Variants in SPTBN5 observed in about 807,000 individuals in gnomAD.
SPTBN5 encodes spectrin beta, non-erythrocytic 5, also known as spectrin beta chain, non-erythrocytic 5.
Under a neutral mutation model 477.6 loss-of-function variants are expected in SPTBN5, and 513 were observed. That is an observed-to-expected ratio of 1.07 (90% CI 1.00 to 1.16). The LOEUF is 1.16. Among genes scored for constraint, SPTBN5 ranks in the 50% most tolerant of loss-of-function variants. SPTBN5 has a pLI of 0.00. For missense variants in SPTBN5, 5,062 were observed against 4,731.8 expected, an observed-to-expected ratio of 1.07 and a Z score of -2.05; for synonymous variants, 2,169 against 2,011.7, an observed-to-expected ratio of 1.08 and a Z score of -2.09.
At chr15:41,850,027 T>A in intron 66 of SPTBN5, 68 bp from the exon 67 acceptor site, 1 of 1,312,434 alleles carries the variant, frequency 7.6e-7, no homozygotes, top group Non-Finnish European at 1.1e-6. Flanking sequence ...GTCTGGCTGC[T>A]CCTTCCTCCA....
intron 7 of SPTBN5, among the ~76,000 whole-genome samples, chr15:41,884,777 C>T (rs2067093047): frequency 6.6e-6 from 1 of 152,184 alleles, no homozygotes; most frequent in South Asian, 2.1e-4. Flanking sequence ...GCCCCCCTGA[C>T]CTCAGCTCCT....
In SPTBN5 at chr15:41,855,243, T is replaced by C; in HGVS notation, c.9404A>G (p.Gln3135Arg). ...ACTCACCTTGACACCCTCCAGGTCCTGCCCGTAGTCCTGGGACTCGGCGGT... is the reference window on the plus strand; with the variant it reads ...ACTCACCTTGACACCCTCCAGGTCCCGCCCGTAGTCCTGGGACTCGGCGGT... ...AATAESQDYG[Q>R]DLEGVKVLEE... Residue 3135 changes from glutamine to arginine, a missense_variant, in exon 55 of 68, where the codon CAG (glutamine) becomes CGG (arginine). By Grantham distance (43) the Gln-to-Arg change is conservative. Transcript: ENST00000320955. 1.9e-6 allele frequency: 3 copies of C among 1,612,186 alleles called. No homozygotes were observed. The highest frequency in any genetic ancestry group is 2.5e-6 in the Non-Finnish European group (3 of 1,179,406).
At position 41,890,140 on chromosome 15, in the gene SPTBN5, G is replaced by A. The variant is rs982082812; in HGVS notation, c.450C>T (p.Leu150=). 5.0e-6 allele frequency: 8 copies of A among 1,613,228 alleles called. No individual in the cohort carries two copies. The African/African-American group carries it at 9.3e-5, about 19-fold the overall frequency. ...GGAAACGCAGAATGATGACCCAGAT[G>A]AGTCCCAGGATGAGTGTCTGGTCTC... ...VDGDQTLILG[L]IWVIILRFQI... The change falls in exon 4 of 68, where the codon CTC becomes CTT. Residue 150 remains leucine, a synonymous_variant. Transcript: ENST00000320955.
At chr15:41,882,232 GCCCCGCCCCCA>G in intron 11 of SPTBN5, 26 bp downstream of exon 11, 9 of 1,254,138 alleles carry the variant, frequency 7.2e-6, no homozygotes, top group Non-Finnish European at 9.5e-6. Flanking sequence ...GCCTCGCCGG[GCCCCGCCCCCA>G]CCCCGCCTCC....
rs1241075977 is a variant in SPTBN5 at position 41,851,829 on chromosome 15, T to C, written c.10606A>G (p.Met3536Val). 8 of 1,610,592 alleles carry C rather than the reference T, an allele frequency of 5.0e-6. No individual in the cohort carries two copies. The highest frequency in any genetic ancestry group is 1.3e-5 in the African/African-American group (1 of 74,906). The change falls in exon 63 of 68, where the codon ATG (methionine) becomes GTG (valine). Residue 3536 changes from methionine to valine, a missense_variant. Met to Val is a conservative substitution (Grantham distance 21). Transcript: ENST00000320955. ...DPQDAKGTPT[M>V]EGSLEFKQHL... ...TGCTTGAACTCCAAAGACCCCTCCA[T>C]GGTGGGGGTACCCTTTGCATCCTGA...
chr15:41,863,881 C>CTT (rs769131740), intron 40 of SPTBN5, 28 bp downstream of exon 40: 1 of 1,613,344 alleles, frequency 6.2e-7, no homozygotes, highest in East Asian at 2.2e-5. Flanking sequence ...CTTCCCGGCC[C>CTT]TTTGGTTCTC....
At chr15:41,883,546 G>A (rs1037690011) in intron 7 of SPTBN5, 60 bp from the exon 8 acceptor site, 2 of 1,578,692 alleles carry the variant, frequency 1.3e-6, no homozygotes, top group Non-Finnish European at 1.7e-6. Context: ...GCTACTTCAG[G>A]GTTCCTGGTC....
In SPTBN5 at chr15:41,887,162, C is replaced by T. The variant is rs1595513539; in HGVS notation, c.888+51G>A. The T allele has an allele frequency of 6.6e-6, 10 of 1,510,368 alleles. No individual in the cohort carries two copies. In the East Asian group the frequency reaches 2.2e-4, roughly 33 times the overall value. The allele number at this position is 1,510,368 out of a possible 1,614,324, so 93.6% of individuals were successfully genotyped here. A position where few individuals can be genotyped will look rare whatever the true frequency, so the allele number is the denominator to read the frequency against. ...TGGCAGGGCAGGCTTCACGCTTAGG[C>T]CTGTCTGCCTCTGGAGCCCTTGCTC... On this transcript the variant is annotated intron_variant, in intron 6 of 67. Coordinates refer to ENST00000320955, the MANE Select transcript of SPTBN5 (RefSeq NM_016642.4).
At chr15:41,848,826 T>C (rs1481758232) in intron 67 of SPTBN5, among the ~76,000 whole-genome samples, 198 bp from the exon 68 acceptor site, 1 of 152,116 alleles carries the variant, frequency 6.6e-6, no homozygotes, top group East Asian at 1.9e-4. Flanking sequence ...TTGCCTCGAC[T>C]TTCATAACCC....
At chr15:41,851,182 G>GGCCATCTCA (rs777914704) in intron 64 of SPTBN5, 32 bp from the exon 65 acceptor site, 25 of 1,600,834 alleles carry the variant, frequency 1.6e-5, no homozygotes, top group Non-Finnish European at 2.0e-5. Flanking sequence ...GGGTCACTGC[G>GGCCATCTCA]GCCATCTCAG....
chr15:41,873,162 G>A (rs1284000290), intron 26 of SPTBN5, among the ~76,000 whole-genome samples: 1 of 152,196 alleles, frequency 6.6e-6, no homozygotes, highest in Non-Finnish European at 1.5e-5. Flanking sequence ...GGGAGATGTG[G>A]AGCGGGCTGG....
intron 13 of SPTBN5, 75 bp downstream of exon 13, chr15:41,880,959 G>C: frequency 7.6e-7 from 1 of 1,323,916 alleles, no homozygotes; most frequent in Non-Finnish European, 1.0e-6. Context: ...TCACTGCCTT[G>C]TCCCCTGGGA....
At chr15:41,883,274 C>A (rs760670181) in intron 8 of SPTBN5, 46 bp from the exon 9 acceptor site, 11 of 1,603,770 alleles carry the variant, frequency 6.9e-6, no homozygotes, top group Non-Finnish European at 9.4e-6. Flanking sequence ...GGTGCTGGGT[C>A]CCTCTGAGCA....
At chr15:41,853,816 A>G (rs1296820474) in intron 57 of SPTBN5, 29 bp from the exon 58 acceptor site, 2 of 1,528,616 alleles carry the variant, frequency 1.3e-6, no homozygotes, top group Admixed American at 2.0e-5. Context: ...ATCAGGCCTC[A>G]GTCCCCCCAC....
In SPTBN5 at chr15:41,853,423, C is replaced by T; in HGVS notation, c.10005G>A (p.Glu3335=). 1 of 1,588,560 alleles carries T rather than the reference C, an allele frequency of 6.3e-7. No homozygotes were observed. Among genetic ancestry groups the T allele is most frequent in the Non-Finnish European group, 8.6e-7 (1 of 1,163,600 alleles). The change falls in exon 59 of 68, where the codon GAG becomes GAA. Residue 3335 remains glutamate, a synonymous_variant. Transcript: ENST00000320955. ...ELLAWAQERQ[E]LASSEELAED... is the part of the protein sequence containing the mutation. ...CAGCCAGCTCCTCGGAGGACGCCAG[C>T]TCCTGCCTCTCCTGTGCCCATGCTC... is the stretch of plus-strand genomic sequence containing the variant.
Position 41,871,917 on chromosome 15 carries a change from C to G in SPTBN5, c.5166G>C (p.Arg1722=). 6.4e-7 allele frequency: 1 copy of G among 1,568,220 alleles called. No individual in the cohort carries two copies. The highest frequency in any genetic ancestry group is 8.7e-7 in the Non-Finnish European group (1 of 1,154,108). ...TCAGGGTCCCCTCCAGTTCCCGGTC[C>G]CTGTGGTAACAGTCCGTGGTTCCCC... ...LRALQELAAT[R]DRELEGTLRL... The change falls in exon 28 of 68, where the codon CGG becomes CGC. Residue 1722 remains arginine (R), a splice_region_variant and synonymous_variant. Coordinates refer to ENST00000320955, the MANE Select transcript of SPTBN5 (RefSeq NM_016642.4).
In SPTBN5 at chr15:41,879,219, G is replaced by T. The variant is rs1429208872; in HGVS notation, c.3182+41C>A. The T allele has an allele frequency of 1.9e-6, 3 of 1,578,126 alleles. No homozygotes were observed. The Admixed American group carries it at 5.1e-5, about 27-fold the overall frequency. ...ACTGCCCTGCCCACGCCTTCCCATG[G>T]TCCTCACTGCCTCCCAATGCCACCA... On this transcript the variant is annotated intron_variant, in intron 16 of 67. Coordinates refer to ENST00000320955, the MANE Select transcript of SPTBN5 (RefSeq NM_016642.4).
At chr15:41,853,047 A>AC (rs2065825008) in intron 59 of SPTBN5, 47 bp from the exon 60 acceptor site, 1 of 1,469,792 alleles carries the variant, frequency 6.8e-7, no homozygotes, top group African/African-American at 1.4e-5. Flanking sequence ...TAGGGCTCCC[A>AC]CCATGGGCAG....
intron 11 of SPTBN5, 32 bp downstream of exon 11, chr15:41,882,237 G>GCCCCCCCCCCCCCCCC: frequency 2.8e-6 from 1 of 357,960 alleles, no homozygotes; most frequent in South Asian, 4.5e-5. Context: ...GCCGGGCCCC[G>GCCCCCCCCCCCCCCCC]CCCCCACCCC....
Sources: allele counts gnomAD v4.1 joint callset (sites outside exome capture counted in the v4.1 genomes callset), GRCh38; gene constraint gnomAD v4.1.1; transcripts MANE v1.5; gene names NCBI Gene and HGNC (gene_info 2026-07-23, HGNC 2026-07-21).